Variants in SYPL2 observed in about 807,000 individuals in gnomAD.
The protein encoded by SYPL2 is synaptophysin like 2.
A neutral mutation model predicts 31.3 loss-of-function variants in SYPL2; 24 were observed. The observed-to-expected ratio is 0.77, with a 90% CI of 0.56 to 1.08. The LOEUF (loss-of-function observed/expected upper bound fraction) is 1.08, where lower values mean the gene tolerates loss of function less well. Among genes scored for constraint, SYPL2 ranks in the 50% least tolerant of loss-of-function variants. SYPL2 has a pLI of 0.00. For missense variants in SYPL2, 342 were observed against 360.1 expected, an observed-to-expected ratio of 0.95 and a Z score of 0.41; for synonymous variants, 144 against 143.1, an observed-to-expected ratio of 1.01 and a Z score of -0.05.
rs1190643243 is a variant in SYPL2 at position 109,480,842 on chromosome 1, T to A, written c.*1294T>A. On this transcript the variant is annotated 3_prime_UTR_variant, in exon 6 of 6. Transcript: ENST00000369872. Reference sequence around the variant, plus strand: ...GTTCCATATTTGTCTTTAGTGTATATCCTCTTCCTGATACCTCCTTCAGTC... The same window carrying A: ...GTTCCATATTTGTCTTTAGTGTATAACCTCTTCCTGATACCTCCTTCAGTC... The A allele has an allele frequency of 6.5e-6, 1 of 152,698 alleles. No individual in the cohort carries two copies. The highest frequency in any genetic ancestry group is 1.9e-4 in the East Asian group (1 of 5,192). The allele number at this position is 152,698 out of a possible 1,614,324, so 9.5% of individuals were successfully genotyped here.
At chr1:109,467,883 T>C (rs915163592) in intron 2 of SYPL2, among the ~76,000 whole-genome samples, 27 of 152,242 alleles carry the variant, frequency 1.8e-4, no homozygotes, top group Non-Finnish European at 3.4e-4. Context: ...TTCATTTCTC[T>C]GGACTTCAAT....
chr1:109,467,292 G>A (rs1469319526), intron 2 of SYPL2, among the ~76,000 whole-genome samples, 159 bp downstream of exon 2: 6 of 152,096 alleles, frequency 3.9e-5, no homozygotes. Flanking sequence ...GCGGGCTGGG[G>A]CTGCTTCTCC....
intron 2 of SYPL2, among the ~76,000 whole-genome samples, chr1:109,474,869 A>C (rs893811094): frequency 6.6e-6 from 1 of 152,248 alleles, no homozygotes; most frequent in Non-Finnish European, 1.5e-5. Context: ...GAGACTGATA[A>C]GGCAAGTGGA....
At chr1:109,472,305 G>C (rs1057248540) in intron 2 of SYPL2, among the ~76,000 whole-genome samples, 4 of 151,052 alleles carry the variant, frequency 2.6e-5, no homozygotes, top group African/African-American at 9.7e-5. Context: ...TAAATAAAAA[G>C]TTGGCTAGTC....
At chr1:109,477,109 T>A (rs1656025120) in intron 4 of SYPL2, 132 bp downstream of exon 4, 1 of 1,055,074 alleles carries the variant, frequency 9.5e-7, no homozygotes, top group Non-Finnish European at 1.4e-6. Flanking sequence ...TCCATCAACC[T>A]CCCGTTGCTT....
intron 2 of SYPL2, among the ~76,000 whole-genome samples, chr1:109,473,802 G>A (rs1479233617): frequency 6.6e-6 from 1 of 152,060 alleles, no homozygotes; most frequent in African/African-American, 2.4e-5. Flanking sequence ...GGCTGAGGCA[G>A]GAGAATGGTG....
At chr1:109,467,625 G>A (rs918782660) in intron 2 of SYPL2, among the ~76,000 whole-genome samples, 13 of 152,170 alleles carry the variant, frequency 8.5e-5, no homozygotes, top group African/African-American at 3.1e-4. Flanking sequence ...CAGGGGACAG[G>A]CTCTCGGCTC....
rs749228721 is a variant in SYPL2 at position 109,476,756 on chromosome 1, G to T, written c.255-20G>T. 1.2e-6 allele frequency: 2 copies of T among 1,612,226 alleles called. No homozygotes were observed. Among genetic ancestry groups the T allele is most frequent in the East Asian group, 4.5e-5 (2 of 44,864 alleles). ...GAGAGGATTGCCTGAGCTCAGGATG[G>T]CCTCCCCTGCCACCTGCAGGTTGCA... On this transcript the variant is annotated intron_variant, in intron 3 of 5. Coordinates refer to ENST00000369872, the MANE Select transcript of SYPL2 (RefSeq NM_001040709.2).
intron 2 of SYPL2, among the ~76,000 whole-genome samples, chr1:109,470,042 G>A (rs1655779886): frequency 6.6e-6 from 1 of 151,764 alleles, no homozygotes. Flanking sequence ...AGGCTGGAGT[G>A]CAGTGGTACG....
Position 109,479,487 on chromosome 1 carries a change from A to ACCAGGG in SYPL2, c.765_770dup (p.Gln256_Gly257dup), listed in dbSNP as rs763461221. On this transcript the variant is annotated inframe_insertion, in exon 6 of 6. Transcript: ENST00000369872. ...GGCCAGGACCAGGACCAGGACCAGG[A>ACCAGGG]CCAGGGCCAGGGTCCCAGCCAGGAG... The ACCAGGG allele has an allele frequency of 3.1e-6, 5 of 1,614,150 alleles. No homozygotes were observed. Among genetic ancestry groups the ACCAGGG allele is most frequent in the Non-Finnish European group, 4.2e-6 (5 of 1,180,008 alleles).
At chr1:109,470,135 A>G (rs982170679) in intron 2 of SYPL2, among the ~76,000 whole-genome samples, 1 of 152,192 alleles carries the variant, frequency 6.6e-6, no homozygotes, top group African/African-American at 2.4e-5. Context: ...CCAAAGGCAC[A>G]TGCCACCATG....
chr1:109,479,455 G>C lies in SYPL2; in HGVS notation c.726G>C (p.Gln242His), dbSNP rs371374617. ...FVFKETPWHG[Q>H]GQGQDQDQDQ... ...TCAAGGAGACCCCGTGGCATGGACA[G>C]GGCCAGGGCCAGGACCAGGACCAGG... Residue 242 changes from glutamine to histidine, a missense_variant, in exon 6 of 6, where the codon CAG becomes CAC. By Grantham distance (24) the Gln-to-His change is conservative. Transcript: ENST00000369872. 9 of 1,614,124 alleles carry C rather than the reference G, an allele frequency of 5.6e-6. No homozygotes were observed. Among genetic ancestry groups the C allele is most frequent in the Non-Finnish European group, 5.9e-6 (7 of 1,179,958 alleles).
intron 4 of SYPL2, 120 bp downstream of exon 4, chr1:109,477,097 C>A: frequency 8.9e-7 from 1 of 1,125,296 alleles, no homozygotes; most frequent in Non-Finnish European, 1.3e-6. Flanking sequence ...GGAACCTCTG[C>A]CTCCATCAAC....
Position 109,466,617 on chromosome 1 carries a change from G to C in SYPL2, c.-227G>C, listed in dbSNP as rs868684620. 1.5e-4 allele frequency: 60 copies of C among 407,878 alleles called. No individual in the cohort carries two copies. Among genetic ancestry groups the C allele is most frequent in the Middle Eastern group, 6.6e-4 (1 of 1,516 alleles). 25.3% of individuals were successfully genotyped at this position (407,878 alleles called of 1,614,324 possible). On this transcript the variant is annotated 5_prime_UTR_variant, in exon 1 of 6. Coordinates refer to ENST00000369872, the MANE Select transcript of SYPL2 (RefSeq NM_001040709.2). ...GAGTCGGGGGCTTTCTGCTGCCGGC[G>C]GGGCACCGCGGCGGCCGCAGCCTCT...
chr1:109,467,374 C>T (rs780061231), intron 2 of SYPL2, among the ~76,000 whole-genome samples: 57 of 152,218 alleles, frequency 3.7e-4, no homozygotes, highest in Non-Finnish European at 3.7e-4. Flanking sequence ...GTGCAAGGAG[C>T]CTTTGCCCAG....
At position 109,467,086 on chromosome 1, in the gene SYPL2, T is replaced by C. The variant is rs1227762007; in HGVS notation, c.82T>C (p.Trp28Arg). Residue 28 changes from tryptophan to arginine, a missense_variant, in exon 2 of 6, where the codon TGG becomes CGG. Transcript: ENST00000369872. Reference sequence around the variant, plus strand: ...GGACCGCCTACTCGTGGGGCTGCGCTGGCGGCGGCTGGAGGAGCCGCTGGG... The same window carrying C: ...GGACCGCCTACTCGTGGGGCTGCGCCGGCGGCGGCTGGAGGAGCCGCTGGG... ...QVDRLLVGLRWRRLEEPLGFI... is the reference protein window; with the variant it reads ...QVDRLLVGLRRRRLEEPLGFI... 6.5e-7 allele frequency: 1 copy of C among 1,545,160 alleles called. No individual in the cohort carries two copies. The highest frequency in any genetic ancestry group is 8.7e-7 in the Non-Finnish European group (1 of 1,145,974).
intron 1 of SYPL2, 57 bp downstream of exon 1, chr1:109,466,954 GCA>G (rs1215679341): frequency 6.5e-7 from 1 of 1,533,788 alleles, no homozygotes; most frequent in East Asian, 2.5e-5. Flanking sequence ...ATGTCGGGCT[GCA>G]CACTTATCCC....
rs758997152 is a variant in SYPL2, at chr1:109,479,410, C to T, written c.681C>T (p.Ala227=). ...GCTTTATCAACTTCTTCCTGTGGGC[C>T]GGGAACTGTTGGTTTGTGTTCAAGG... is the stretch of plus-strand genomic sequence containing the variant. ...LFGFINFFLW[A]GNCWFVFKET... Residue 227 remains alanine (A), a synonymous_variant, in exon 6 of 6, where the codon GCC becomes GCT. Coordinates refer to ENST00000369872, the MANE Select transcript of SYPL2 (RefSeq NM_001040709.2). 84 of 1,613,988 alleles carry T rather than the reference C, an allele frequency of 5.2e-5. No homozygotes were observed. The highest frequency in any genetic ancestry group is 6.3e-5 in the Non-Finnish European group (74 of 1,180,016).
In SYPL2 at chr1:109,477,890, G is replaced by T. The variant is rs775749958; in HGVS notation, c.529G>T (p.Asp177Tyr). Reference sequence around the variant, plus strand: ...AGCTGCCTGGGGCAAGGGCCTGACCGATGTCAAGGGGGCCACACGACCATC... The same window carrying T: ...AGCTGCCTGGGGCAAGGGCCTGACCTATGTCAAGGGGGCCACACGACCATC... ...AAAAWGKGLT[D>Y]VKGATRPSSL... The change falls in exon 5 of 6, where the codon GAT becomes TAT. Residue 177 changes from aspartate to tyrosine, a missense_variant. Physicochemically the swap from Asp to Tyr is radical, Grantham distance 160 (BLOSUM62 -3). Transcript: ENST00000369872. The T allele has an allele frequency of 1.2e-6, 2 of 1,614,180 alleles. No individual in the cohort carries two copies. The highest frequency in any genetic ancestry group is 2.2e-5 in the South Asian group (2 of 91,076).
Sources: allele counts gnomAD v4.1 joint callset (sites outside exome capture counted in the v4.1 genomes callset), GRCh38; gene constraint gnomAD v4.1.1; transcripts MANE v1.5; gene names NCBI Gene and HGNC (gene_info 2026-07-23, HGNC 2026-07-21).